ATP2B2: variants seen among roughly 807,000 people sequenced by gnomAD.
The protein encoded by ATP2B2 is ATPase plasma membrane Ca2+ transporting 2, also known as plasma membrane calcium-transporting ATPase 2.
A neutral mutation model predicts 120.0 loss-of-function variants in ATP2B2; 15 were observed. The observed-to-expected ratio is 0.12, with a 90% CI of 0.08 to 0.19. ATP2B2 has a LOEUF of 0.19. ATP2B2 is among the 10% of genes least tolerant of loss of function. The probability of loss-of-function intolerance (pLI) is 1.00; values close to 1 mark genes in which losing one functional copy is unlikely to be tolerated. For synonymous variants in ATP2B2, 694 were observed against 700.3 expected (o/e 0.99, Z 0.14); for missense variants, 1,045 against 1,719.8 (o/e 0.61, Z 6.94).
chr3:10,690,124 A>G (rs1353233200), intron 1 of ATP2B2, among the ~76,000 whole-genome samples: 1 of 152,246 alleles, frequency 6.6e-6, no homozygotes, highest in Non-Finnish European at 1.5e-5. Context: ...TTCATGTCAA[A>G]AGCATACAAT....
chr3:10,504,145 C>A (rs576520834), intron 1 of ATP2B2, among the ~76,000 whole-genome samples: 2 of 152,186 alleles, frequency 1.3e-5, no homozygotes, highest in South Asian at 4.1e-4. Flanking sequence ...ATAATGGTGG[C>A]CATCAGCATC....
At chr3:10,335,628 G>T (rs27667) in intron 22 of ATP2B2, among the ~76,000 whole-genome samples, 107,593 of 152,114 alleles carry the variant, frequency 0.71, 38,884 homozygotes, top group East Asian at 0.99. Context: ...TGACTGACTG[G>T]GACCCTAAGG....
At chr3:10,542,636 A>T (rs1198398049) in intron 2 of ATP2B2, among the ~76,000 whole-genome samples, 1 of 152,186 alleles carries the variant, frequency 6.6e-6, no homozygotes, top group Non-Finnish European at 1.5e-5. Flanking sequence ...TGATAGTTCT[A>T]TTCTTTCAGC....
At chr3:10,467,158 C>T (rs978134524) in intron 1 of ATP2B2, among the ~76,000 whole-genome samples, 1 of 152,230 alleles carries the variant, frequency 6.6e-6, no homozygotes, top group South Asian at 2.1e-4. Flanking sequence ...TCATGACACC[C>T]TCAACCTCTA....
At chr3:10,454,693 A>G (rs1192254689) in intron 1 of ATP2B2, among the ~76,000 whole-genome samples, 3 of 152,244 alleles carry the variant, frequency 2.0e-5, no homozygotes, top group Admixed American at 6.5e-5. Context: ...AGCTACTTGT[A>G]TGATATTATA....
chr3:10,384,826 G>A (rs1196961897), intron 8 of ATP2B2, among the ~76,000 whole-genome samples: 7 of 152,206 alleles, frequency 4.6e-5, no homozygotes, highest in East Asian at 1.9e-4. Context: ...CCCTTGCCTC[G>A]AGGAAATTTT....
intron 16 of ATP2B2, among the ~76,000 whole-genome samples, chr3:10,348,074 T>C (rs909249527): frequency 2.0e-5 from 3 of 152,086 alleles, no homozygotes; most frequent in Non-Finnish European, 2.9e-5. Context: ...TCTTGGCTTC[T>C]GCAGCTCCTC....
At chr3:10,472,352 T>C (rs534441638) in intron 1 of ATP2B2, among the ~76,000 whole-genome samples, 13 of 151,982 alleles carry the variant, frequency 8.6e-5, no homozygotes, top group African/African-American at 3.1e-4. Flanking sequence ...CAGTGACCCA[T>C]GTGCCAGGGG....
Position 10,401,027 on chromosome 3 carries a change from A to C in ATP2B2, c.707T>G (p.Ile236Ser). The C allele has an allele frequency of 3.1e-6, 5 of 1,614,192 alleles. No individual in the cohort carries two copies. Among genetic ancestry groups the C allele is most frequent in the Non-Finnish European group, 4.2e-6 (5 of 1,180,024 alleles). The stretch of plus-strand genomic sequence containing the variant: ...CTCTCCAGTTAGGGAGCTTTCATCA[A>C]TCTTGAGGTCATTGCCCTGGATGAA... ...GLFIQGNDLKIDESSLTGESD... is the reference protein window; with the variant it reads ...GLFIQGNDLKSDESSLTGESD... Residue 236 changes from isoleucine to serine, a missense_variant, in exon 5 of 23, where the codon ATT becomes AGT. This residue lies in a region of ATP2B2 where 145 missense variants were observed against 202.0 expected (regional missense o/e 0.72). Transcript: ENST00000360273.
intron 2 of ATP2B2, among the ~76,000 whole-genome samples, chr3:10,549,799 G>T (rs1248702064): frequency 2.0e-5 from 3 of 152,282 alleles, no homozygotes; most frequent in East Asian, 1.9e-4. Flanking sequence ...AGCTCTCGGA[G>T]TCCAGGGAAG....
chr3:10,412,079 G>A (rs2062629793), intron 2 of ATP2B2, among the ~76,000 whole-genome samples: 1 of 152,244 alleles, frequency 6.6e-6, no homozygotes, highest in Admixed American at 6.5e-5. Context: ...CTGCAGCCTT[G>A]GCTTTTGCCA....
chr3:10,577,179 C>G (rs1391422374), intron 2 of ATP2B2, among the ~76,000 whole-genome samples: 3 of 152,032 alleles, frequency 2.0e-5, no homozygotes, highest in Non-Finnish European at 4.4e-5. Flanking sequence ...GAGCTGGAAT[C>G]TGCAGTTAGC....
intron 1 of ATP2B2, among the ~76,000 whole-genome samples, chr3:10,703,413 C>G (rs187857414): frequency 1.6e-3 from 251 of 152,288 alleles, no homozygotes; most frequent in Non-Finnish European, 3.0e-3. Flanking sequence ...CACATGAAGC[C>G]AGGACCTCCA....
intron 1 of ATP2B2, among the ~76,000 whole-genome samples, chr3:10,475,391 C>T (rs892831425): frequency 1.3e-5 from 2 of 152,232 alleles, no homozygotes; most frequent in Non-Finnish European, 1.5e-5. Context: ...CTGCAGGCTC[C>T]TGCAGAATGC....
chr3:10,629,962 C>A (rs1293352608), intron 1 of ATP2B2, among the ~76,000 whole-genome samples: 1 of 152,170 alleles, frequency 6.6e-6, no homozygotes, highest in Non-Finnish European at 1.5e-5. Context: ...AAAGACTGGG[C>A]AAAGCCAGTG....
intron 1 of ATP2B2, among the ~76,000 whole-genome samples, chr3:10,649,748 T>C (rs1319966346): frequency 6.6e-6 from 1 of 152,172 alleles, no homozygotes; most frequent in South Asian, 2.1e-4. Context: ...GGTAATTGAA[T>C]CATGGGGGCG....
chr3:10,645,033 C>T lies in ATP2B2; in HGVS notation c.-459-25072G>A, dbSNP rs539292777. 1.1e-4 allele frequency among the ~76,000 whole-genome samples: 17 copies of T among 151,816 alleles called. No individual in the cohort carries two copies. In the East Asian group the frequency reaches 1.3e-3, roughly 12 times the overall value. Reference sequence around the variant, plus strand: ...ACCATGAAGGATTTATGGGTTAAGGCGTATGTTGAATGCAAGTTATTCTCA... The same window carrying T: ...ACCATGAAGGATTTATGGGTTAAGGTGTATGTTGAATGCAAGTTATTCTCA... On this transcript the variant is annotated intron_variant, in intron 1 of 21. Coordinates refer to the ATP2B2 transcript ENST00000646379.
chr3:10,501,508 C>T (rs139539819), intron 1 of ATP2B2, among the ~76,000 whole-genome samples: 40 of 152,074 alleles, frequency 2.6e-4, no homozygotes, highest in African/African-American at 9.2e-4. Context: ...ATAGCTGGGA[C>T]GACAGGAGTA....
chr3:10,595,426 C>G (rs11716523), intron 2 of ATP2B2, among the ~76,000 whole-genome samples: 98,141 of 152,072 alleles, frequency 0.65, 32,675 homozygotes, highest in Middle Eastern at 0.85. Context: ...GTTTCCAGCT[C>G]CATCCCACCA....
Sources: gnomAD v4.1 joint callset for allele counts (sites outside exome capture counted in the v4.1 genomes callset) on GRCh38, gnomAD v4.1.1 for gene constraint, gnomAD v4.1.1 regional missense constraint, MANE v1.5 for transcripts, NCBI Gene and HGNC (gene_info 2026-07-23, HGNC 2026-07-21) for gene names.